The following SCN4A variants were observed in gnomAD, a reference collection of about 807,000 sequenced individuals.
The protein encoded by SCN4A is sodium voltage-gated channel alpha subunit 4.
A neutral mutation model predicts 162.0 loss-of-function variants in SCN4A; 83 were observed. The observed-to-expected ratio is 0.51, with a 90% CI of 0.43 to 0.61. The LOEUF (loss-of-function observed/expected upper bound fraction) is 0.61. SCN4A is among the 20% of genes least tolerant of loss of function. SCN4A has a pLI of 0.00. For synonymous variants in SCN4A, 944 were observed against 985.1 expected (o/e 0.96, Z 0.78); for missense variants, 2,196 against 2,462.5 (o/e 0.89, Z 2.29).
chr17:63,946,478 C>T (rs940476502), intron 18 of SCN4A, among the ~76,000 whole-genome samples: 5 of 144,492 alleles, frequency 3.5e-5, no homozygotes, highest in Admixed American at 1.4e-4. Context: ...CCCCCCACCC[C>T]GCCGCAACCC....
intron 6 of SCN4A, among the ~76,000 whole-genome samples, 153 bp from the exon 7 acceptor site, chr17:63,966,697 G>A (rs1225918853): frequency 6.6e-6 from 1 of 152,262 alleles, no homozygotes; most frequent in Non-Finnish European, 1.5e-5. Flanking sequence ...TTTAAGGACA[G>A]CTCCAAGTTC....
At position 63,966,466 on chromosome 17, in the gene SCN4A, C is replaced by G. The variant is rs533321924; in HGVS notation, c.1100+15G>C. The G allele has an allele frequency of 2.5e-6, 4 of 1,612,836 alleles. No homozygotes were observed. The highest frequency in any genetic ancestry group is 3.4e-6 in the Non-Finnish European group (4 of 1,178,972). On this transcript the variant is annotated intron_variant, in intron 7 of 23. Transcript: ENST00000435607. ...CCCCTGGGGTGCCTTTTCTGCATCC[C>G]TTAGCATCACTCACCCAGCATCACT... is the stretch of plus-strand genomic sequence containing the variant.
intron 5 of SCN4A, 61 bp from the exon 6 acceptor site, chr17:63,968,416 C>T (rs999106959): frequency 3.0e-5 from 42 of 1,414,422 alleles, no homozygotes; most frequent in Admixed American, 8.5e-5. Flanking sequence ...ACAGAGCCCC[C>T]GCGGCCCCCA....
At position 63,972,550 on chromosome 17, in the gene SCN4A, A is replaced by G; in HGVS notation, c.273+19T>C. 1 of 1,594,260 alleles carries G rather than the reference A, an allele frequency of 6.3e-7. No individual in the cohort carries two copies. Among genetic ancestry groups the G allele is most frequent in the South Asian group, 1.1e-5 (1 of 88,744 alleles). The stretch of plus-strand genomic sequence containing the variant: ...GGATGGATGGCAGACAGACAGAGGA[A>G]GCCTTCCCAGGCCCAGACCTTCTTA... On this transcript the variant is annotated intron_variant, in intron 1 of 23. Coordinates refer to ENST00000435607, the MANE Select transcript of SCN4A (RefSeq NM_000334.4). The surrounding 1 kb of genome is among the most constrained non-coding windows in gnomAD (Gnocchi z 4.3).
intron 10 of SCN4A, among the ~76,000 whole-genome samples, chr17:63,963,106 G>A (rs577077914): frequency 1.1e-4 from 16 of 151,830 alleles, no homozygotes; most frequent in South Asian, 4.2e-4. Context: ...CCATCCGTCC[G>A]TCCATCCATC....
chr17:63,950,150 G>A lies in SCN4A; in HGVS notation c.2854-622C>T, dbSNP rs926528144. ...TCCTGCTGGGCCAGGCCAGCTTCCC[G>A]GCCCCAGACTCCACCCGGCAGGGGA... On this transcript the variant is annotated intron_variant, in intron 14 of 23. Coordinates refer to ENST00000435607, the MANE Select transcript of SCN4A (RefSeq NM_000334.4). The surrounding 1 kb of genome is among the most constrained non-coding windows in gnomAD (Gnocchi z 4.6). Among the ~76,000 whole-genome samples the A allele has an allele frequency of 6.6e-6, 1 of 152,146 alleles. No individual in the cohort carries two copies. The highest frequency in any genetic ancestry group is 2.4e-5 in the African/African-American group (1 of 41,422).
intron 7 of SCN4A, 78 bp downstream of exon 7, chr17:63,966,403 C>T: frequency 6.9e-7 from 1 of 1,454,318 alleles, no homozygotes; most frequent in Non-Finnish European, 9.6e-7. Context: ...CCCATGCCCC[C>T]CAGGTCCTCA....
rs375844960 is a variant in SCN4A at position 63,942,844 on chromosome 17, C to T, written c.4270G>A (p.Val1424Ile). ...CGCTCACCCACAATGGACAGGATGA[C>T]GACCACGAAGTCAAAGATGTTCCAG... ...VGWNIFDFVVVILSIVGLALS... is the reference protein window; with the variant it reads ...VGWNIFDFVVIILSIVGLALS... Residue 1424 changes from valine to isoleucine, a missense_variant, in exon 23 of 24, where the codon GTC (valine) becomes ATC (isoleucine). Transcript: ENST00000435607. 9.9e-6 allele frequency: 16 copies of T among 1,613,786 alleles called. No homozygotes were observed. The highest frequency in any genetic ancestry group is 2.2e-5 in the East Asian group (1 of 44,894).
At position 63,940,642 on chromosome 17, in the gene SCN4A, C is replaced by A. The variant is rs140026321; in HGVS notation, c.*129G>T. On this transcript the variant is annotated 3_prime_UTR_variant, in exon 24 of 24. Coordinates refer to ENST00000435607, the MANE Select transcript of SCN4A (RefSeq NM_000334.4). ...GGTGTCAGCCCCAGTGTGGCCAAAT[C>A]CTGTCCCCCATCAGGGAGCCAGGCA... 4.8e-3 allele frequency: 5,756 copies of A among 1,211,346 alleles called. 25 individuals are homozygous for A. The highest frequency in any genetic ancestry group is 5.7e-3 in the Non-Finnish European group (5,039 of 889,976). 75.0% of individuals were successfully genotyped at this position (1,211,346 alleles called of 1,614,324 possible).
intron 13 of SCN4A, among the ~76,000 whole-genome samples, chr17:63,955,164 C>T (rs1909032422): frequency 6.6e-6 from 1 of 152,222 alleles, no homozygotes; most frequent in South Asian, 2.1e-4. Flanking sequence ...AGTTCCAGCA[C>T]CAGCTCTGTT....
chr17:63,950,188 T>G lies in SCN4A; in HGVS notation c.2854-660A>C, dbSNP rs1224389607. On this transcript the variant is annotated intron_variant, in intron 14 of 23. Transcript: ENST00000435607. The surrounding 1 kb of genome is among the most constrained non-coding windows in gnomAD (Gnocchi z 4.6). Reference sequence around the variant, plus strand: ...ACCCGGCAGGGGACCCCTTCAAGGCTGAGGGTGAGGCCTCTGAAGAGAAGG... The same window carrying G: ...ACCCGGCAGGGGACCCCTTCAAGGCGGAGGGTGAGGCCTCTGAAGAGAAGG... Among the ~76,000 whole-genome samples, 2 of 152,048 alleles carry G rather than the reference T, an allele frequency of 1.3e-5. No individual in the cohort carries two copies. Among genetic ancestry groups the G allele is most frequent in the Admixed American group, 6.6e-5 (1 of 15,266 alleles).
Position 63,943,989 on chromosome 17 carries a change from G to C in SCN4A, c.3913-139C>G, listed in dbSNP as rs1908631389. On this transcript the variant is annotated intron_variant, in intron 21 of 23. Coordinates refer to ENST00000435607, the MANE Select transcript of SCN4A (RefSeq NM_000334.4). ...CAGCCTGGAGGAAGCGGGAGGGTCA[G>C]AGATGGAGGGACAAGGGGAGAATGC... The C allele has an allele frequency of 4.8e-6, 3 of 625,512 alleles. No individual in the cohort carries two copies. In the South Asian group the frequency reaches 5.6e-5, roughly 12 times the overall value. 38.7% of individuals were successfully genotyped at this position (625,512 alleles called of 1,614,324 possible).
chr17:63,941,569 G>C lies in SCN4A; in HGVS notation c.4713C>G (p.Pro1571=), dbSNP rs763555182. The change falls in exon 24 of 24, where the codon CCC becomes CCG. Residue 1571 remains proline, a synonymous_variant. Transcript: ENST00000435607. This position sits in a 1 kb window ranked among gnomAD's most constrained non-coding sequence, Gnocchi z 6.2. ...GTSVKGDCGN[P]SIGICFFCSY... ...TGCAGAAGAAGCAGATGCCGATGGAGGGGTTGCCGCAGTCACCCTTGACAC... is the reference window on the plus strand; with the variant it reads ...TGCAGAAGAAGCAGATGCCGATGGACGGGTTGCCGCAGTCACCCTTGACAC... The C allele has an allele frequency of 1.4e-5, 23 of 1,614,032 alleles. No individual in the cohort carries two copies. Among genetic ancestry groups the C allele is most frequent in the African/African-American group, 5.3e-5 (4 of 74,910 alleles).
chr17:63,968,435 C>CT, intron 5 of SCN4A, 80 bp from the exon 6 acceptor site: 1 of 1,139,764 alleles, frequency 8.8e-7, no homozygotes, highest in South Asian at 1.5e-5. Flanking sequence ...CACCGCCAAG[C>CT]TTTTTCCTAC....
chr17:63,943,365 C>T (rs1451530920), intron 22 of SCN4A, among the ~76,000 whole-genome samples: 1 of 152,162 alleles, frequency 6.6e-6, no homozygotes, highest in Non-Finnish European at 1.5e-5. Flanking sequence ...CCCAGATGCT[C>T]CTCCCCTTTC....
At chr17:63,963,079 T>A (rs973237040) in intron 10 of SCN4A, among the ~76,000 whole-genome samples, 1 of 142,916 alleles carries the variant, frequency 7.0e-6, no homozygotes, top group African/African-American at 3.1e-5. Context: ...CTCCCTCTCA[T>A]CCATCCATCC....
chr17:63,969,381 C>T (rs4968679), intron 5 of SCN4A, among the ~76,000 whole-genome samples: 79,784 of 151,958 alleles, frequency 0.53, 21,131 homozygotes, highest in South Asian at 0.59. Flanking sequence ...GTGCCTCTTG[C>T]GTTAATATGA....
In SCN4A at chr17:63,966,204, C is replaced by A; in HGVS notation, c.1140G>T (p.Arg380=). The A allele has an allele frequency of 6.2e-7, 1 of 1,602,836 alleles. No individual in the cohort carries two copies. The highest frequency in any genetic ancestry group is 8.5e-7 in the Non-Finnish European group (1 of 1,174,826). The change falls in exon 8 of 24, where the codon CGG becomes CGT. Residue 380 remains arginine, a synonymous_variant. Transcript: ENST00000435607. ...AGCTGGTGTAGCCATAGTTGGGGTT[C>A]CGCCCGGTCTTGATGCACTCATAAC... is the stretch of plus-strand genomic sequence containing the variant. ...PEGYECIKTG[R]NPNYGYTSYD...
In SCN4A at chr17:63,972,293, C is replaced by T. The variant is rs1909636618; in HGVS notation, c.392+59G>A. ...AGGTGATAGAGGGTCTCCTGGGCCA[C>T]AGCACCCCATCTCGCCCATCCCTAA... On this transcript the variant is annotated intron_variant, in intron 2 of 23. Transcript: ENST00000435607. This position sits in a 1 kb window ranked among gnomAD's most constrained non-coding sequence, Gnocchi z 4.3. The T allele has an allele frequency of 8.8e-6, 14 of 1,588,268 alleles. No homozygotes were observed. The highest frequency in any genetic ancestry group is 1.3e-5 in the African/African-American group (1 of 74,464).
Sources: allele counts gnomAD v4.1 joint callset (sites outside exome capture counted in the v4.1 genomes callset), GRCh38; gene constraint gnomAD v4.1.1; non-coding constraint Gnocchi (gnomAD v3.1); transcripts MANE v1.5; gene names NCBI Gene and HGNC (gene_info 2026-07-23, HGNC 2026-07-21).